POLH: variants seen among roughly 807,000 people sequenced by gnomAD.
POLH encodes the protein DNA polymerase eta transcript.
Under a neutral mutation model 73.6 loss-of-function variants are expected in POLH, and 53 were observed. The observed-to-expected ratio is 0.72, with a 90% CI of 0.58 to 0.91. The LOEUF is 0.91. POLH is among the 40% of genes least tolerant of loss of function. The probability of loss-of-function intolerance (pLI) is 0.00; values close to 1 mark genes in which losing one functional copy is unlikely to be tolerated. For synonymous variants in POLH, 292 were observed against 308.5 expected, an observed-to-expected ratio of 0.95 and a Z score of 0.56; for missense variants, 768 against 865.4, an observed-to-expected ratio of 0.89 and a Z score of 1.41.
intron 4 of POLH, among the ~76,000 whole-genome samples, chr6:43,593,753 G>A (rs189300298): frequency 6.6e-6 from 1 of 151,982 alleles, no homozygotes; most frequent in East Asian, 1.9e-4. Context: ...GGTGGCGCAT[G>A]CCTATAATCC....
chr6:43,576,948 G>T (rs1038704033), intron 1 of POLH, among the ~76,000 whole-genome samples: 1 of 152,198 alleles, frequency 6.6e-6, no homozygotes, highest in African/African-American at 2.4e-5. Flanking sequence ...CTGAGGTCAG[G>T]AGTTCGAGAC....
At chr6:43,580,670 AC>A (rs1238778780) in intron 1 of POLH, among the ~76,000 whole-genome samples, 3 of 109,290 alleles carry the variant, frequency 2.7e-5, no homozygotes, top group African/African-American at 8.9e-5. Context: ...AGGGGGGCTG[AC>A]CCCCCCACCT....
At position 43,614,208 on chromosome 6, in the gene POLH, C is replaced by G. The variant is rs1377713611; in HGVS notation, c.1793C>G (p.Ala598Gly). 1 of 1,612,644 alleles carries G rather than the reference C, an allele frequency of 6.2e-7. No individual in the cohort carries two copies. The highest frequency in any genetic ancestry group is 2.2e-5 in the East Asian group (1 of 44,854). ...SKATPAEMDL[A>G]HNSQSMHASS... The stretch of plus-strand genomic sequence containing the variant: ...GCAACTCCTGCAGAGATGGATTTGG[C>G]CCACAACAGCCAAAGCATGCACGCC... The change falls in exon 11 of 11, where the codon GCC (alanine) becomes GGC (glycine). Residue 598 changes from alanine (A) to glycine (G), a missense_variant. Ala to Gly is a moderately conservative substitution (Grantham distance 60). Transcript: ENST00000372236.
intron 9 of POLH, 132 bp downstream of exon 9, chr6:43,605,451 T>C (rs1021669860): frequency 6.7e-6 from 4 of 598,950 alleles, no homozygotes; most frequent in African/African-American, 4.2e-5. Context: ...TTCTTTTTTT[T>C]TTTTTTTTTT....
chr6:43,606,025 G>A (rs1483033984), intron 9 of POLH, among the ~76,000 whole-genome samples: 1 of 152,056 alleles, frequency 6.6e-6, no homozygotes, highest in Admixed American at 6.6e-5. Context: ...CGCCCAGCCA[G>A]TAGTGGCAGT....
At chr6:43,590,500 C>T (rs1424535721) in intron 4 of POLH, among the ~76,000 whole-genome samples, 1 of 151,174 alleles carries the variant, frequency 6.6e-6, no homozygotes, top group African/African-American at 2.4e-5. Context: ...GCCACTCTGT[C>T]ACCCAGGCTG....
rs200162602 is a variant in POLH, at chr6:43,614,034, A to G, written c.1619A>G (p.Lys540Arg). The change falls in exon 11 of 11, where the codon AAG becomes AGG. Residue 540 changes from lysine to arginine, a missense_variant. Physicochemically the swap from Lys to Arg is conservative, Grantham distance 26. Transcript: ENST00000372236. ...TTTAAGCAGAAAAGTCTGCTTCTAA[A>G]GCAGAAACAGCTTAATAATTCTTCA... is the stretch of plus-strand genomic sequence containing the variant. Reference protein sequence around the residue: ...PFFKQKSLLLKQKQLNNSSVS... With the variant: ...PFFKQKSLLLRQKQLNNSSVS... The G allele has an allele frequency of 1.4e-5, 22 of 1,614,186 alleles. No individual in the cohort carries two copies. In the East Asian group the frequency reaches 4.0e-4, roughly 29 times the overall value.
In POLH at chr6:43,614,382, C is replaced by T; in HGVS notation, c.1967C>T (p.Ala656Val). 1.2e-6 allele frequency: 2 copies of T among 1,614,144 alleles called. No individual in the cohort carries two copies. Among genetic ancestry groups the T allele is most frequent in the South Asian group, 1.1e-5 (1 of 91,084 alleles). ...CCAGAACACATGGACTATCATTTTGCATTGGAGTTGCAGAAATCCTTTTTG... is the reference window on the plus strand; with the variant it reads ...CCAGAACACATGGACTATCATTTTGTATTGGAGTTGCAGAAATCCTTTTTG... ...DMPEHMDYHF[A>V]LELQKSFLQP... is the part of the protein sequence containing the mutation. The change falls in exon 11 of 11, where the codon GCA (alanine) becomes GTA (valine). Residue 656 changes from alanine (A) to valine (V), a missense_variant. Ala to Val is a moderately conservative substitution (Grantham distance 64). Coordinates refer to ENST00000372236, the MANE Select transcript of POLH (RefSeq NM_006502.3).
intron 4 of POLH, chr6:43,591,081 A>G (rs1765413080): frequency 6.6e-6 from 1 of 152,124 alleles, no homozygotes; most frequent in Non-Finnish European, 1.5e-5. Context: ...TTATTTTCTG[A>G]TCCTGATAAT....
intron 1 of POLH, among the ~76,000 whole-genome samples, chr6:43,579,674 C>T (rs1222077536): frequency 6.6e-6 from 1 of 152,160 alleles, no homozygotes; most frequent in African/African-American, 2.4e-5. Context: ...GTAAAACAAC[C>T]TGTGGCTTGT....
At chr6:43,609,949 CT>C (rs1767701102) in intron 9 of POLH, among the ~76,000 whole-genome samples, 1 of 151,342 alleles carries the variant, frequency 6.6e-6, no homozygotes, top group Non-Finnish European at 1.5e-5. Context: ...CAAATTATGT[CT>C]TCTTCAGTTA....
intron 9 of POLH, among the ~76,000 whole-genome samples, chr6:43,606,510 C>G (rs1484012704): frequency 6.6e-6 from 1 of 152,000 alleles, no homozygotes; most frequent in Non-Finnish European, 1.5e-5. Context: ...CTCACTGCAA[C>G]CTCCACCTCC....
In POLH at chr6:43,613,920, C is replaced by T. The variant is rs367776007; in HGVS notation, c.1505C>T (p.Thr502Ile). 3.3e-5 allele frequency: 53 copies of T among 1,613,866 alleles called. No individual in the cohort carries two copies. The African/African-American group carries it at 6.1e-4, about 19-fold the overall frequency. The change falls in exon 11 of 11, where the codon ACT becomes ATT. Residue 502 changes from threonine to isoleucine, a missense_variant. Thr to Ile is a moderately conservative substitution (Grantham distance 89). Coordinates refer to ENST00000372236, the MANE Select transcript of POLH (RefSeq NM_006502.3). The part of the protein sequence containing the change: ...KVKEASLSSL[T>I]APTQAPMSNS... ...AAAGAAGCTTCGCTTTCATCTCTTA[C>T]TGCTCCCACTCAGGCTCCCATGAGC...
intron 4 of POLH, among the ~76,000 whole-genome samples, chr6:43,588,075 CA>C (rs762219253): frequency 3.1e-4 from 47 of 152,156 alleles, no homozygotes; most frequent in Non-Finnish European, 5.9e-4. Flanking sequence ...AGCACTTTGT[CA>C]TTGGTAGCTT....
intron 4 of POLH, among the ~76,000 whole-genome samples, chr6:43,592,937 G>C (rs1217966421): frequency 6.6e-6 from 1 of 152,104 alleles, no homozygotes; most frequent in Non-Finnish European, 1.5e-5. Flanking sequence ...GGCTGGTCTT[G>C]ATGAGTTCCT....
At chr6:43,582,869 G>C in intron 2 of POLH, 138 bp from the exon 3 acceptor site, 1 of 765,546 alleles carries the variant, frequency 1.3e-6, no homozygotes, top group Non-Finnish European at 2.2e-6. Context: ...TTTCTGAACT[G>C]CTTTGTTTTG....
At chr6:43,601,525 C>CA (rs1766732241) in intron 6 of POLH, among the ~76,000 whole-genome samples, 1 of 152,040 alleles carries the variant, frequency 6.6e-6, no homozygotes. Context: ...CTCAGCCTCC[C>CA]AAAGTGTTGG....
intron 3 of POLH, among the ~76,000 whole-genome samples, chr6:43,587,051 G>C (rs1248657238): frequency 6.6e-6 from 1 of 152,134 alleles, no homozygotes; most frequent in Non-Finnish European, 1.5e-5. Flanking sequence ...CTGGCATTGT[G>C]CTAAAAATGT....
chr6:43,577,315 A>G (rs1763471756), intron 1 of POLH, among the ~76,000 whole-genome samples: 1 of 152,218 alleles, frequency 6.6e-6, no homozygotes, highest in African/African-American at 2.4e-5. Flanking sequence ...AACATAAATC[A>G]CTGCTTCCTA....
Sources: allele counts gnomAD v4.1 joint callset (sites outside exome capture counted in the v4.1 genomes callset), GRCh38; gene constraint gnomAD v4.1.1; transcripts MANE v1.5; gene names NCBI Gene and HGNC (gene_info 2026-07-23, HGNC 2026-07-21).